NUDT12: variants seen among roughly 807,000 people sequenced by gnomAD.
NUDT12 encodes nudix hydrolase 12.
Under a neutral mutation model 45.7 loss-of-function variants are expected in NUDT12, and 42 were observed. The observed-to-expected ratio is 0.92, with a 90% CI of 0.72 to 1.19. The LOEUF is 1.19. Among genes scored for constraint, NUDT12 ranks in the 50% most tolerant of loss-of-function variants. NUDT12 has a pLI of 0.00. For synonymous variants in NUDT12, 206 were observed against 179.7 expected (o/e 1.15, Z -1.17); for missense variants, 590 against 533.1 (o/e 1.11, Z -1.05).
At chr5:103,558,604 G>A (rs542477451) in intron 3 of NUDT12, among the ~76,000 whole-genome samples, 19 of 152,196 alleles carry the variant, frequency 1.2e-4, no homozygotes, top group African/African-American at 3.9e-4. Context: ...CATGTTCTAC[G>A]TGTAGCAGGA....
At chr5:103,562,540 C>T (rs892382164) in intron 1 of NUDT12, among the ~76,000 whole-genome samples, 163 bp downstream of exon 1, 2 of 151,922 alleles carry the variant, frequency 1.3e-5, no homozygotes, top group African/African-American at 2.4e-5. Flanking sequence ...CCTGCAAATG[C>T]GTCCGTGGCT....
intron 5 of NUDT12, among the ~76,000 whole-genome samples, chr5:103,554,059 A>G (rs1292868707): frequency 3.3e-5 from 5 of 152,090 alleles, no homozygotes; most frequent in Admixed American, 2.0e-4. Flanking sequence ...ACAGCCTGAT[A>G]CTATATGTTT....
chr5:103,552,132 C>G (rs747571415), intron 6 of NUDT12, 85 bp downstream of exon 6: 21 of 1,074,908 alleles, frequency 2.0e-5, no homozygotes, highest in Non-Finnish European at 2.8e-5. Context: ...ATTCAACTTG[C>G]TGAAAATATG....
At chr5:103,558,766 T>C in intron 3 of NUDT12, 113 bp downstream of exon 3, 2 of 691,786 alleles carry the variant, frequency 2.9e-6, no homozygotes, top group South Asian at 2.1e-5. Flanking sequence ...GAAGACAGTC[T>C]AATTTCACTG....
At chr5:103,557,280 G>GATATATATATATATATAT (rs10593905) in intron 3 of NUDT12, among the ~76,000 whole-genome samples, 2 of 118,930 alleles carry the variant, frequency 1.7e-5, no homozygotes, top group Non-Finnish European at 1.8e-5. Context: ...ATCTTAAAAT[G>GATATATATATATATATAT]ATATATATAT....
rs181190339 is a variant in NUDT12, at chr5:103,558,986, A to G, written c.689T>C (p.Leu230Pro). 6.8e-6 allele frequency: 11 copies of G among 1,613,792 alleles called. No individual in the cohort carries two copies. In the East Asian group the frequency reaches 2.5e-4, roughly 36 times the overall value. The part of the protein sequence containing the change: ...EEDGLVAWFA[L>P]GIDPIAAEEF... ...TTCAGCAGCAATAGGATCTATACCT[A>G]GAGCAAACCAGGCAACCAATCCATC... Residue 230 changes from leucine (L) to proline (P), a missense_variant, in exon 3 of 7, where the codon CTA becomes CCA. Physicochemically the swap from Leu to Pro is moderately conservative, Grantham distance 98. Coordinates refer to ENST00000230792, the MANE Select transcript of NUDT12 (RefSeq NM_031438.4).
Position 103,555,931 on chromosome 5 carries a change from C to T in NUDT12, c.964G>A (p.Asp322Asn). The T allele has an allele frequency of 6.4e-7, 1 of 1,552,602 alleles. No homozygotes were observed. The highest frequency in any genetic ancestry group is 1.3e-5 in the South Asian group (1 of 77,370). Residue 322 changes from aspartate (D) to asparagine (N), a missense_variant and splice_region_variant, in exon 4 of 7, where the codon GAT becomes AAT. Transcript: ENST00000230792. ...GVHNTSYPRV[D>N]PVVIMQVIHP... ...CTGAGATATAAAATAAAGGGCTTAC[C>T]AACTCTTGGGTATGAGGTATTATGG...
rs1347489572 is a variant in NUDT12 at position 103,550,164 on chromosome 5, GT to G, written c.*696del. ...AAGTAGATATGTTAATTAATTTTAG[GT>G]CTAAAAGAGAGGTCCCAGATATAAT... is the stretch of plus-strand genomic sequence containing the variant. On this transcript the variant is annotated 3_prime_UTR_variant, in exon 7 of 7. Transcript: ENST00000230792. 2 of 152,088 alleles carry G rather than the reference GT, an allele frequency of 1.3e-5. No homozygotes were observed. The highest frequency in any genetic ancestry group is 4.8e-5 in the African/African-American group (2 of 41,394). The allele number at this position is 152,088 out of a possible 1,614,324, so 9.4% of individuals were successfully genotyped here.
intron 4 of NUDT12, 143 bp from the exon 5 acceptor site, chr5:103,554,996 T>G (rs982895666): frequency 2.5e-6 from 1 of 405,466 alleles, no homozygotes; most frequent in Non-Finnish European, 4.5e-6. Flanking sequence ...ATTGCTTCTT[T>G]CTGCCCTAAT....
In NUDT12 at chr5:103,549,995, A is replaced by G. The variant is rs1039001306; in HGVS notation, c.*866T>C. 2.6e-5 allele frequency: 4 copies of G among 152,186 alleles called. No individual in the cohort carries two copies. The highest frequency in any genetic ancestry group is 9.6e-5 in the African/African-American group (4 of 41,460). The allele number at this position is 152,186 out of a possible 1,614,324, so 9.4% of individuals were successfully genotyped here. ...ACTCATCACAAAATGAAATAAAGCC[A>G]ATGTTTTAAATTAAATATGTAAATC... On this transcript the variant is annotated 3_prime_UTR_variant, in exon 7 of 7. Transcript: ENST00000230792.
intron 2 of NUDT12, 195 bp from the exon 3 acceptor site, chr5:103,559,663 A>G: frequency 4.5e-6 from 2 of 448,532 alleles, no homozygotes; most frequent in Non-Finnish European, 7.8e-6. Flanking sequence ...CAAAAAGTTA[A>G]GAGACAGTGG....
chr5:103,561,526 CAG>C (rs1333872790), intron 1 of NUDT12, among the ~76,000 whole-genome samples: 3 of 152,268 alleles, frequency 2.0e-5, no homozygotes, highest in Admixed American at 2.0e-4. Context: ...ATCTACATGA[CAG>C]AATAATTTTT....
At chr5:103,558,615 A>T (rs1187518388) in intron 3 of NUDT12, among the ~76,000 whole-genome samples, 2 of 152,172 alleles carry the variant, frequency 1.3e-5, no homozygotes, top group Non-Finnish European at 2.9e-5. Flanking sequence ...TGTAGCAGGA[A>T]CTAAGAATTA....
rs1491335747 is a variant in NUDT12 at position 103,557,280 on chromosome 5, G to GGTATATATATGTATATATATATATAT, written c.797-1183_797-1182insATATATATATATATACATATATATAC. 2.5e-5 allele frequency among the ~76,000 whole-genome samples: 3 copies of GGTATATATATGTATATATATATATAT among 118,894 alleles called. 1 individual carries two copies. The highest frequency in any genetic ancestry group is 5.3e-5 in the Non-Finnish European group (3 of 56,424). The allele number at this position is 118,894 out of a possible 152,430, so 78.0% of individuals were successfully genotyped here. A position where few individuals can be genotyped will look rare whatever the true frequency, so the allele number is the denominator to read the frequency against. ...TATCAGATCTTTTTGATCTTAAAATGATATATATATATATATATATATATG... is the reference window on the plus strand; with the variant it reads ...TATCAGATCTTTTTGATCTTAAAATGGTATATATATGTATATATATATATATATATATATATATATATATATATATG... On this transcript the variant is annotated intron_variant, in intron 3 of 6. Coordinates refer to ENST00000230792, the MANE Select transcript of NUDT12 (RefSeq NM_031438.4).
intron 5 of NUDT12, chr5:103,554,405 T>A (rs1748747895): frequency 6.3e-6 from 1 of 158,834 alleles, no homozygotes; most frequent in Admixed American, 6.5e-5. Context: ...TCTGGGGCAA[T>A]CAAGCAAGGC....
At chr5:103,562,273 G>A (rs752432143) in intron 1 of NUDT12, among the ~76,000 whole-genome samples, 48 of 152,200 alleles carry the variant, frequency 3.2e-4, no homozygotes, top group Admixed American at 7.9e-4. Context: ...ATATCGCTCT[G>A]TCACTGAAAT....
intron 3 of NUDT12, among the ~76,000 whole-genome samples, chr5:103,558,661 G>A (rs1328831949): frequency 6.6e-6 from 1 of 152,074 alleles, no homozygotes; most frequent in Non-Finnish European, 1.5e-5. Context: ...TCATGCACCA[G>A]GGTTAATTCT....
intron 5 of NUDT12, 176 bp downstream of exon 5, chr5:103,554,564 C>T (rs1429570345): frequency 9.2e-6 from 3 of 326,252 alleles, no homozygotes; most frequent in African/African-American, 2.2e-5. Context: ...ATATAATTCT[C>T]ATATAAAACA....
chr5:103,556,159 A>C lies in NUDT12; in HGVS notation c.797-61T>G, dbSNP rs1008264679. ...TGTAAGAAATTAAAATCAATATATA[A>C]GTAAAATGTTCTCAAGCTACAATAA... On this transcript the variant is annotated intron_variant, in intron 3 of 6. Transcript: ENST00000230792. The C allele has an allele frequency of 3.1e-5, 38 of 1,228,964 alleles. No homozygotes were observed. In the Admixed American group the frequency reaches 7.2e-4, roughly 23 times the overall value. 76.1% of individuals were successfully genotyped at this position (1,228,964 alleles called of 1,614,324 possible).
Sources: gnomAD v4.1 joint callset for allele counts (sites outside exome capture counted in the v4.1 genomes callset) on GRCh38, gnomAD v4.1.1 for gene constraint, MANE v1.5 for transcripts, NCBI Gene and HGNC (gene_info 2026-07-23, HGNC 2026-07-21) for gene names.